AMPD3: variants seen among roughly 807,000 people sequenced by gnomAD.
The protein encoded by AMPD3 is AMP deaminase 3.
AMPD3 carries 57 observed loss-of-function variants against 82.3 expected under a neutral mutation model. The observed-to-expected ratio is 0.69, with a 90% confidence interval of 0.56 to 0.86. AMPD3 has a LOEUF of 0.86. AMPD3 is among the 40% of genes least tolerant of loss of function. AMPD3 has a pLI of 0.00. For missense variants in AMPD3, 870 were observed against 1,003.8 expected (o/e 0.87, Z 1.80); for synonymous variants, 381 against 394.7 (o/e 0.97, Z 0.41).
chr11:10,496,625 A>G (rs897678706), intron 9 of AMPD3, 187 bp from the exon 10 acceptor site: 40 of 1,447,114 alleles, frequency 2.8e-5, no homozygotes, highest in Non-Finnish European at 3.2e-5. Flanking sequence ...TTGCAAACCA[A>G]GGCAGAATAT....
intron 1 of AMPD3, among the ~76,000 whole-genome samples, chr11:10,458,624 C>G (rs888506319): frequency 1.3e-5 from 2 of 152,030 alleles, no homozygotes; most frequent in African/African-American, 4.8e-5. Flanking sequence ...TTTTCATTTA[C>G]TGTATTTTTA....
At chr11:10,499,982 G>A in intron 10 of AMPD3, 104 bp from the exon 11 acceptor site, 1 of 1,556,972 alleles carries the variant, frequency 6.4e-7, no homozygotes, top group Non-Finnish European at 8.7e-7. Flanking sequence ...GAACCTGAGG[G>A]GCCCAGACCC....
At position 10,478,727 on chromosome 11, in the gene AMPD3, C is replaced by T. The variant is rs117002871; in HGVS notation, c.423C>T (p.Ala141=). The T allele has an allele frequency of 9.1e-4, 1,471 of 1,611,514 alleles. 22 individuals are homozygous for T. The East Asian group carries it at 0.028, about 31-fold the overall frequency. Residue 141 remains alanine (A), a synonymous_variant, in exon 3 of 15, where the codon GCC becomes GCT. Coordinates refer to ENST00000396553, the MANE Select transcript of AMPD3 (RefSeq NM_001025389.2). Reference sequence around the variant, plus strand: ...TCACCATCAGCGGAGATTACTGTGCCGGGGTAAGGCGTCTGTGAGAGTGTT... The same window carrying T: ...TCACCATCAGCGGAGATTACTGTGCTGGGGTAAGGCGTCTGTGAGAGTGTT... The part of the protein sequence containing the change: ...QRVTISGDYC[A]GITLEDYEQA...
chr11:10,451,148 C>T (rs1235284346), upstream of AMPD3: 74 of 1,505,156 alleles, frequency 4.9e-5, no homozygotes, highest in Non-Finnish European at 6.2e-5. Context: ...CGGCTTCCGC[C>T]TTCCCTGCTC....
rs187284880 is a variant in AMPD3, at chr11:10,473,563, G to C, written c.222-4963G>C. 6.1e-6 allele frequency: 6 copies of C among 985,418 alleles called. No individual in the cohort carries two copies. The African/African-American group carries it at 1.0e-4, about 17-fold the overall frequency. 61.0% of individuals were successfully genotyped at this position (985,418 alleles called of 1,614,324 possible). ...GTTTTCACACCTGATTGGCTGCAAA[G>C]TGTTAGAATCAAAGTTACACCCACC... On this transcript the variant is annotated intron_variant, in intron 2 of 14. Coordinates refer to ENST00000396553, the MANE Select transcript of AMPD3 (RefSeq NM_001025389.2).
chr11:10,470,839 A>G (rs1182380113), intron 2 of AMPD3, among the ~76,000 whole-genome samples: 3 of 152,266 alleles, frequency 2.0e-5, no homozygotes, highest in African/African-American at 7.2e-5. Flanking sequence ...AAAACATTCC[A>G]TGCTCATGGA....
intron 9 of AMPD3, chr11:10,496,249 T>C (rs781675062): frequency 4.1e-6 from 4 of 985,368 alleles, no homozygotes; most frequent in Non-Finnish European, 4.8e-6. Flanking sequence ...AAAATATAGA[T>C]GTGCAAAGGC....
In AMPD3 at chr11:10,494,593, T is replaced by C. The variant is rs1425976851; in HGVS notation, c.1135-306T>C. ...AAAATGTGAGTAGTGATAGGGAATG[T>C]TCTATTATTCAGTGGTGCAGCCTCT... On this transcript the variant is annotated intron_variant, in intron 7 of 14. Transcript: ENST00000396553. 6 of 985,330 alleles carry C rather than the reference T, an allele frequency of 6.1e-6. No individual in the cohort carries two copies. In the East Asian group the frequency reaches 6.8e-4, roughly 112 times the overall value. The allele number at this position is 985,330 out of a possible 1,614,324, so 61.0% of individuals were successfully genotyped here. A position where few individuals can be genotyped will look rare whatever the true frequency, so the allele number is the denominator to read the frequency against.
chr11:10,468,171 T>A (rs1428978904), intron 2 of AMPD3, among the ~76,000 whole-genome samples: 3 of 152,172 alleles, frequency 2.0e-5, no homozygotes, highest in African/African-American at 7.2e-5. Context: ...GTAACAATAT[T>A]AGCCTTAAAT....
Position 10,478,462 on chromosome 11 carries a change from GTCTT to G in AMPD3, c.222-62_222-59del, listed in dbSNP as rs2133876815. On this transcript the variant is annotated intron_variant, in intron 2 of 14. Transcript: ENST00000396553. ...TCTCCTGCCACGCACACAGCAAAGA[GTCTT>G]TATCACTCACCCCAATTAGCTTCTG... is the stretch of plus-strand genomic sequence containing the variant. 5 of 1,600,926 alleles carry G rather than the reference GTCTT, an allele frequency of 3.1e-6. No homozygotes were observed. In the East Asian group the frequency reaches 1.1e-4, roughly 36 times the overall value.
At chr11:10,487,483 CG>C in intron 6 of AMPD3, 119 bp downstream of exon 6, 1 of 1,461,612 alleles carries the variant, frequency 6.8e-7, no homozygotes. Flanking sequence ...TTGCTAAGGG[CG>C]GCCTTCGTGG....
chr11:10,456,516 C>A lies in AMPD3; in HGVS notation c.-6+1068C>A. On this transcript the variant is annotated intron_variant, in intron 1 of 14. Coordinates refer to ENST00000396553, the MANE Select transcript of AMPD3 (RefSeq NM_001025389.2). The surrounding 1 kb of genome is among the most constrained non-coding windows in gnomAD (Gnocchi z 4.3). ...TTCCTTTCTGGAGGGACTGTGGCAC[C>A]ATGAAAAGTTACTGTTTGTTGAAAC... 3 of 1,608,310 alleles carry A rather than the reference C, an allele frequency of 1.9e-6. No individual in the cohort carries two copies. Among genetic ancestry groups the A allele is most frequent in the Non-Finnish European group, 2.5e-6 (3 of 1,177,306 alleles).
chr11:10,482,209 G>A lies in AMPD3; in HGVS notation c.573G>A (p.Pro191=), dbSNP rs16907852. 0.095 allele frequency: 152,969 copies of A among 1,612,012 alleles called. 8,937 individuals carry two copies. Among genetic ancestry groups the A allele is most frequent in the African/African-American group, 0.28 (21,001 of 74,968 alleles). ...ATCCGCGGGCGGATACTGCACCTCC[G>A]GAAGAGGGCCTTCCAGGTATGGAGC... ...LGHPRADTAP[P]EEGLPDFHPP... is the part of the protein sequence containing the mutation. Residue 191 remains proline, a synonymous_variant, in exon 4 of 15, where the codon CCG becomes CCA. Transcript: ENST00000396553.
intron 2 of AMPD3, among the ~76,000 whole-genome samples, chr11:10,475,440 C>T (rs193062047): frequency 6.6e-6 from 1 of 152,270 alleles, no homozygotes; most frequent in East Asian, 1.9e-4. Flanking sequence ...CTTACGCCCA[C>T]ACGCCCACTC....
At chr11:10,473,503 A>T (rs1488274082) in intron 2 of AMPD3, 1 of 985,128 alleles carries the variant, frequency 1.0e-6, no homozygotes, top group East Asian at 1.1e-4. Flanking sequence ...AGGTTTCCAG[A>T]GGAGCTCAGG....
chr11:10,456,710 C>T lies in AMPD3; in HGVS notation c.-6+1262C>T, dbSNP rs1183207026. On this transcript the variant is annotated intron_variant, in intron 1 of 14. Coordinates refer to ENST00000396553, the MANE Select transcript of AMPD3 (RefSeq NM_001025389.2). This position sits in a 1 kb window ranked among gnomAD's most constrained non-coding sequence, Gnocchi z 4.3. ...AGCTGACAAAGGGTTGGAAGCCAGG[C>T]GTGAACATGCAGCTGGAGCTGAAGC... is the stretch of plus-strand genomic sequence containing the variant. 1.2e-5 allele frequency: 8 copies of T among 654,868 alleles called. No individual in the cohort carries two copies. The highest frequency in any genetic ancestry group is 7.9e-5 in the African/African-American group (4 of 50,660). The allele number at this position is 654,868 out of a possible 1,614,324, so 40.6% of individuals were successfully genotyped here. A position where few individuals can be genotyped will look rare whatever the true frequency, so the allele number is the denominator to read the frequency against.
chr11:10,471,545 A>G (rs1038932697), intron 2 of AMPD3, among the ~76,000 whole-genome samples: 1 of 152,264 alleles, frequency 6.6e-6, no homozygotes, highest in Non-Finnish European at 1.5e-5. Context: ...AATTTTTTCA[A>G]TCTATCCATC....
intron 7 of AMPD3, among the ~76,000 whole-genome samples, chr11:10,494,156 G>A (rs1261427570): frequency 1.3e-5 from 2 of 152,146 alleles, no homozygotes; most frequent in Non-Finnish European, 2.9e-5. Flanking sequence ...GCCATAAAAG[G>A]GAGTCAAGTA....
At chr11:10,462,183 A>G (rs1848290991) in intron 2 of AMPD3, among the ~76,000 whole-genome samples, 1 of 152,196 alleles carries the variant, frequency 6.6e-6, no homozygotes, top group Non-Finnish European at 1.5e-5. Context: ...AAGTAACTGG[A>G]CAAATTAACT....
Sources: gnomAD v4.1 joint callset for allele counts (sites outside exome capture counted in the v4.1 genomes callset) on GRCh38, gnomAD v4.1.1 for gene constraint, Gnocchi (gnomAD v3.1) non-coding constraint, MANE v1.5 for transcripts, NCBI Gene and HGNC (gene_info 2026-07-23, HGNC 2026-07-21) for gene names.